The following NUDT3 variants were observed in gnomAD, a reference collection of about 807,000 sequenced individuals.
NUDT3 encodes diphosphoinositol polyphosphate phosphohydrolase 1.
Under a neutral mutation model 23.6 loss-of-function variants are expected in NUDT3, and 9 were observed. The ratio of observed to expected loss-of-function variants is 0.38; its 90% CI spans 0.23 to 0.66. The LOEUF (loss-of-function observed/expected upper bound fraction) is 0.66. Ranked by LOEUF, NUDT3 falls within the 30% of genes least tolerant of loss-of-function variation. The pLI is 0.52. For synonymous variants in NUDT3, 86 were observed against 82.6 expected (o/e 1.04, Z -0.22); for missense variants, 172 against 218.5 (o/e 0.79, Z 1.34).
chr6:34,302,030 C>CTTTATTTA (rs546376433), intron 2 of NUDT3, among the ~76,000 whole-genome samples: 3 of 151,998 alleles, frequency 2.0e-5, no homozygotes, highest in Non-Finnish European at 2.9e-5. Flanking sequence ...TTCTTTGTAT[C>CTTTATTTA]TTTATTTATT....
At position 34,288,559 on chromosome 6, in the gene NUDT3, T is replaced by C; in HGVS notation, c.*194A>G. The C allele has an allele frequency of 1.4e-6, 1 of 703,530 alleles. No homozygotes were observed. The highest frequency in any genetic ancestry group is 2.2e-5 in the South Asian group (1 of 46,008). 43.6% of individuals were successfully genotyped at this position (703,530 alleles called of 1,614,324 possible). Reference sequence around the variant, plus strand: ...CAAATTACACACCCAACCCCCACCCTCAATAAAAACAGAAGAAAAAGCCCC... The same window carrying C: ...CAAATTACACACCCAACCCCCACCCCCAATAAAAACAGAAGAAAAAGCCCC... On this transcript the variant is annotated 3_prime_UTR_variant, in exon 5 of 5. Coordinates refer to ENST00000607016, the MANE Select transcript of NUDT3 (RefSeq NM_006703.4).
At position 34,287,510 on chromosome 6, in the gene NUDT3, G is replaced by C. The variant is rs1353985921; in HGVS notation, c.*1243C>G. On this transcript the variant is annotated 3_prime_UTR_variant, in exon 5 of 5. Coordinates refer to ENST00000607016, the MANE Select transcript of NUDT3 (RefSeq NM_006703.4). ...ATATGGACCTTTCATATCCTGGTGG[G>C]AGATGGGAGACCAATTTAATAGCTC... 6.6e-6 allele frequency: 1 copy of C among 152,228 alleles called. No homozygotes were observed. The highest frequency in any genetic ancestry group is 2.4e-5 in the African/African-American group (1 of 41,464). The allele number at this position is 152,228 out of a possible 1,614,324, so 9.4% of individuals were successfully genotyped here. A position where few individuals can be genotyped will look rare whatever the true frequency, so the allele number is the denominator to read the frequency against.
chr6:34,373,662 T>C (rs1471106311), intron 1 of NUDT3, among the ~76,000 whole-genome samples: 3 of 152,202 alleles, frequency 2.0e-5, no homozygotes, highest in African/African-American at 7.2e-5. Flanking sequence ...AATATCCATG[T>C]TTCTGACAAA....
intron 3 of NUDT3, among the ~76,000 whole-genome samples, chr6:34,294,233 G>A (rs1326856164): frequency 6.6e-6 from 1 of 151,624 alleles, no homozygotes; most frequent in African/African-American, 2.4e-5. Flanking sequence ...TGATCCGCAT[G>A]CCTAGGCCTG....
chr6:34,386,323 T>C (rs145526151), intron 1 of NUDT3, among the ~76,000 whole-genome samples: 74 of 152,348 alleles, frequency 4.9e-4, no homozygotes, highest in African/African-American at 1.7e-3. Flanking sequence ...AGTTTTTTCC[T>C]GTTAATTTTT....
intron 1 of NUDT3, among the ~76,000 whole-genome samples, chr6:34,384,105 G>A (rs1415701339): frequency 6.6e-6 from 1 of 152,164 alleles, no homozygotes; most frequent in Non-Finnish European, 1.5e-5. Context: ...CTGCTGGAAG[G>A]TGCAGTCTGC....
At chr6:34,367,350 C>T (rs769775757) in intron 1 of NUDT3, among the ~76,000 whole-genome samples, 2 of 151,818 alleles carry the variant, frequency 1.3e-5, no homozygotes, top group Non-Finnish European at 2.9e-5. Context: ...GGTGTGGTGG[C>T]GTGTGCCTGC....
chr6:34,364,526 C>A (rs1764696815), intron 1 of NUDT3, among the ~76,000 whole-genome samples: 1 of 152,146 alleles, frequency 6.6e-6, no homozygotes, highest in South Asian at 2.1e-4. Context: ...ACAACAACAA[C>A]AACAACGGAA....
intron 1 of NUDT3, among the ~76,000 whole-genome samples, chr6:34,358,288 CA>C (rs1337316874): frequency 3.9e-5 from 6 of 151,986 alleles, no homozygotes; most frequent in African/African-American, 9.7e-5. Flanking sequence ...CACACACACA[CA>C]CACCCCTTAT....
chr6:34,309,957 G>A (rs1210390857), intron 2 of NUDT3, among the ~76,000 whole-genome samples: 3 of 152,176 alleles, frequency 2.0e-5, no homozygotes, highest in African/African-American at 7.2e-5. Flanking sequence ...AACTGGCTGG[G>A]TGCGGTGGTG....
At chr6:34,319,039 T>TA (rs57832381) in intron 2 of NUDT3, among the ~76,000 whole-genome samples, 14,530 of 140,596 alleles carry the variant, frequency 0.1, 1,349 homozygotes, top group East Asian at 0.44. Flanking sequence ...GCTGGGACAG[T>TA]AAAAAAAAAA....
intron 2 of NUDT3, among the ~76,000 whole-genome samples, chr6:34,327,528 CAA>C (rs60757572): frequency 2.9e-4 from 27 of 94,042 alleles, no homozygotes; most frequent in Admixed American, 7.2e-4. Flanking sequence ...GACTCCGCCT[CAA>C]AAAAAAAAAA....
chr6:34,368,798 C>T (rs79739939), intron 1 of NUDT3, among the ~76,000 whole-genome samples: 2,551 of 152,262 alleles, frequency 0.017, 74 homozygotes, highest in African/African-American at 0.059. Flanking sequence ...GCCACCACAC[C>T]TGGCTCATTT....
At position 34,367,521 on chromosome 6, in the gene NUDT3, G is replaced by T. The variant is rs796461342; in HGVS notation, c.99+24743C>A. On this transcript the variant is annotated intron_variant, in intron 1 of 4. Transcript: ENST00000607016. ...AGAAAAAAAAATGTAATAAATAAAA[G>T]GTACTAATAGTTGCCACTACCATAT... Among the ~76,000 whole-genome samples, 26 of 150,396 alleles carry T rather than the reference G, an allele frequency of 1.7e-4. 1 individual carries two copies. The highest frequency in any genetic ancestry group is 6.1e-4 in the African/African-American group (25 of 41,002).
intron 2 of NUDT3, among the ~76,000 whole-genome samples, chr6:34,335,474 G>A (rs574211042): frequency 6.6e-6 from 1 of 151,890 alleles, no homozygotes. Flanking sequence ...TATTACCACA[G>A]AAGTATTTTT....
rs1763319667 is a variant in NUDT3, at chr6:34,285,212, G to A, written c.*3541C>T. On this transcript the variant is annotated 3_prime_UTR_variant, in exon 5 of 5. Coordinates refer to ENST00000607016, the MANE Select transcript of NUDT3 (RefSeq NM_006703.4). ...TGTTCCATCCTGTTATATTTGCTGT[G>A]AGGAAAATTAAGATTCCTGTTGTAT... 2 of 152,342 alleles carry A rather than the reference G, an allele frequency of 1.3e-5. No individual in the cohort carries two copies. Among genetic ancestry groups the A allele is most frequent in the East Asian group, 1.9e-4 (1 of 5,196 alleles). The allele number at this position is 152,342 out of a possible 1,614,324, so 9.4% of individuals were successfully genotyped here. A position where few individuals can be genotyped will look rare whatever the true frequency, so the allele number is the denominator to read the frequency against.
intron 2 of NUDT3, among the ~76,000 whole-genome samples, chr6:34,332,925 CCT>C (rs1047841736): frequency 4.0e-4 from 61 of 152,172 alleles, no homozygotes; most frequent in African/African-American, 1.3e-3. Flanking sequence ...CCTTTTTTCC[CCT>C]GTCAGACAAG....
intron 2 of NUDT3, among the ~76,000 whole-genome samples, chr6:34,328,075 G>C (rs1231220567): frequency 6.6e-6 from 1 of 152,118 alleles, no homozygotes; most frequent in African/African-American, 2.4e-5. Context: ...TAATTTGTAT[G>C]ATAACTATTC....
chr6:34,370,518 G>T (rs1764810179), intron 1 of NUDT3, among the ~76,000 whole-genome samples: 1 of 152,218 alleles, frequency 6.6e-6, no homozygotes, highest in Non-Finnish European at 1.5e-5. Flanking sequence ...ACTGGGAAAT[G>T]AGTATTTAGC....
Sources: gnomAD v4.1 joint callset for allele counts (sites outside exome capture counted in the v4.1 genomes callset) on GRCh38, gnomAD v4.1.1 for gene constraint, MANE v1.5 for transcripts, NCBI Gene and HGNC (gene_info 2026-07-23, HGNC 2026-07-21) for gene names.